The following ZCCHC2 variants were observed in gnomAD, a reference collection of about 807,000 sequenced individuals.
ZCCHC2 encodes the protein zinc finger CCHC domain-containing protein 2.
ZCCHC2 carries 39 observed loss-of-function variants against 103.6 expected under a neutral mutation model. That is an observed-to-expected ratio of 0.38 (90% confidence interval 0.29 to 0.49). ZCCHC2 has a LOEUF of 0.49. Among genes scored for constraint, ZCCHC2 ranks in the 20% least tolerant of loss-of-function variants. ZCCHC2 has a pLI of 0.96. For missense variants in ZCCHC2, 1,483 were observed against 1,491.0 expected (o/e 0.99, Z 0.09); for synonymous variants, 687 against 608.9 (o/e 1.13, Z -1.89).
intron 1 of ZCCHC2, among the ~76,000 whole-genome samples, chr18:62,529,895 C>T (rs1024056257): frequency 6.6e-6 from 1 of 152,180 alleles, no homozygotes; most frequent in African/African-American, 2.4e-5. Context: ...TGCACGTGTA[C>T]TGAACACGTA....
At chr18:62,571,868 T>C (rs117125919) in intron 12 of ZCCHC2, among the ~76,000 whole-genome samples, 10,714 of 151,434 alleles carry the variant, frequency 0.071, 479 homozygotes, top group Middle Eastern at 0.12. Context: ...AGCTATGGTA[T>C]AGAGTGTTGC....
chr18:62,579,700 C>T (rs540991397), downstream of ZCCHC2, among the ~76,000 whole-genome samples: 12 of 152,022 alleles, frequency 7.9e-5, no homozygotes, highest in East Asian at 1.9e-4. Flanking sequence ...CTAAGGTAAC[C>T]ACTGCTTTAG....
chr18:62,583,667 A>C (rs1325134301), intron 14 of ZCCHC2, among the ~76,000 whole-genome samples: 3 of 147,308 alleles, frequency 2.0e-5, no homozygotes, highest in Non-Finnish European at 1.5e-5. Context: ...AAAAATACTG[A>C]CCCCCCCCTC....
intron 1 of ZCCHC2, among the ~76,000 whole-genome samples, chr18:62,538,260 CAAAAAAAA>C (rs35609138): frequency 1.6e-5 from 2 of 122,646 alleles, no homozygotes; most frequent in African/African-American, 3.1e-5. Flanking sequence ...GACCCTGTCT[CAAAAAAAA>C]AAAAAAAAAG....
intron 1 of ZCCHC2, among the ~76,000 whole-genome samples, chr18:62,537,246 A>G (rs1914968999): frequency 6.6e-6 from 1 of 152,042 alleles, no homozygotes; most frequent in South Asian, 2.1e-4. Flanking sequence ...TGGCGCAGTC[A>G]TGGGTCACTG....
intron 4 of ZCCHC2, among the ~76,000 whole-genome samples, chr18:62,550,125 TGG>T (rs1252768622): frequency 6.6e-6 from 1 of 152,190 alleles, no homozygotes; most frequent in East Asian, 1.9e-4. Context: ...GCCCTGCACC[TGG>T]GGGAGCCCTG....
At chr18:62,525,102 C>G (rs1464978721) in intron 1 of ZCCHC2, 1 of 152,214 alleles carries the variant, frequency 6.6e-6, no homozygotes, top group African/African-American at 2.4e-5. Context: ...CCGGCACACG[C>G]GCTTTCTCAC....
chr18:62,540,045 T>C (rs1432731831), intron 2 of ZCCHC2, among the ~76,000 whole-genome samples: 1 of 152,196 alleles, frequency 6.6e-6, no homozygotes, highest in Non-Finnish European at 1.5e-5. Context: ...TGGCTGAATC[T>C]TAAACCTGGT....
chr18:62,572,166 T>G (rs1916622504), intron 12 of ZCCHC2, among the ~76,000 whole-genome samples: 1 of 152,248 alleles, frequency 6.6e-6, no homozygotes, highest in African/African-American at 2.4e-5. Flanking sequence ...TCCTCCTGCC[T>G]TGGCCTCCCA....
downstream of ZCCHC2, among the ~76,000 whole-genome samples, chr18:62,580,594 C>T (rs34573318): frequency 0.12 from 2,881 of 24,038 alleles, 392 homozygotes; most frequent in African/African-American, 0.15. Flanking sequence ...CCTCCCGAGA[C>T]GGTGTCACAG....
rs978758618 is a variant in ZCCHC2 at position 62,556,445 on chromosome 18, A to G, written c.1408+148A>G. 4.7e-6 allele frequency: 3 copies of G among 643,480 alleles called. No individual in the cohort carries two copies. The African/African-American group carries it at 5.5e-5, about 12-fold the overall frequency. The allele number at this position is 643,480 out of a possible 1,614,324, so 39.9% of individuals were successfully genotyped here. On this transcript the variant is annotated intron_variant, in intron 6 of 13. Coordinates refer to ENST00000269499, the MANE Select transcript of ZCCHC2 (RefSeq NM_017742.6). The stretch of plus-strand genomic sequence containing the variant: ...AATGTCATTTTTAATGAGTTTTTAC[A>G]CTGCAGTTTTAAAGAAGGTCATGAA...
intron 2 of ZCCHC2, among the ~76,000 whole-genome samples, chr18:62,541,075 C>T (rs1383396877): frequency 6.6e-6 from 1 of 152,194 alleles, no homozygotes; most frequent in Non-Finnish European, 1.5e-5. Flanking sequence ...AAGATTAGTT[C>T]AGAAGATTTT....
At chr18:62,586,433 C>T (rs1222688232) in exon 15 of ZCCHC2, 1 of 151,612 alleles carries the variant, frequency 6.6e-6, no homozygotes. Flanking sequence ...TCTGCCCCTC[C>T]TGCCCCGTCA....
At chr18:62,536,914 A>G (rs1456931780) in intron 1 of ZCCHC2, among the ~76,000 whole-genome samples, 1 of 152,226 alleles carries the variant, frequency 6.6e-6, no homozygotes, top group Non-Finnish European at 1.5e-5. Flanking sequence ...TGTGAAGCAA[A>G]CTACTTTCAT....
chr18:62,551,210 G>C (rs1915648913), intron 5 of ZCCHC2: 1 of 152,258 alleles, frequency 6.6e-6, no homozygotes, highest in African/African-American at 2.4e-5. Flanking sequence ...CTTGAGAGTA[G>C]AGGGGATGTA....
intron 8 of ZCCHC2, 134 bp downstream of exon 8, chr18:62,560,778 T>C (rs1340605038): frequency 7.1e-6 from 5 of 709,162 alleles, no homozygotes; most frequent in Non-Finnish European, 4.5e-6. Context: ...TCACTTTTTC[T>C]GTTTCCTTTT....
At chr18:62,580,405 C>T (rs1001261652), downstream of ZCCHC2, among the ~76,000 whole-genome samples, 1 of 152,234 alleles carries the variant, frequency 6.6e-6, no homozygotes, top group Non-Finnish European at 1.5e-5. Context: ...TGCAAGTATT[C>T]AGTTTGCCAA....
At position 62,542,437 on chromosome 18, in the gene ZCCHC2, G is replaced by C. The variant is rs184696661; in HGVS notation, c.1052-61G>C. On this transcript the variant is annotated intron_variant, in intron 2 of 13. Transcript: ENST00000269499. Reference sequence around the variant, plus strand: ...TTGTCAACTTTTAGGGTTACTTTAGGTAAGTGAAATGTGTCTATAGTCTTT... The same window carrying C: ...TTGTCAACTTTTAGGGTTACTTTAGCTAAGTGAAATGTGTCTATAGTCTTT... 3,195 of 1,358,818 alleles carry C rather than the reference G, an allele frequency of 2.4e-3. 14 individuals are homozygous for C. Among genetic ancestry groups the C allele is most frequent in the Middle Eastern group, 3.7e-3 (20 of 5,460 alleles). 84.2% of individuals were successfully genotyped at this position (1,358,818 alleles called of 1,614,324 possible).
chr18:62,533,041 G>T (rs1034311067), intron 1 of ZCCHC2, among the ~76,000 whole-genome samples: 1 of 152,158 alleles, frequency 6.6e-6, no homozygotes, highest in Non-Finnish European at 1.5e-5. Context: ...TCATGCCACT[G>T]CACTCCAGCC....
Sources: gnomAD v4.1 joint callset for allele counts (sites outside exome capture counted in the v4.1 genomes callset) on GRCh38, gnomAD v4.1.1 for gene constraint, MANE v1.5 for transcripts, NCBI Gene and HGNC (gene_info 2026-07-23, HGNC 2026-07-21) for gene names.